Variants in OLFML2B observed in about 807,000 individuals in gnomAD.
The protein encoded by OLFML2B is olfactomedin-like protein 2B.
In OLFML2B, 57 loss-of-function variants were observed where a neutral mutation model predicts 74.9. That is an observed-to-expected ratio of 0.76 (90% CI 0.61 to 0.95). The LOEUF is 0.95. OLFML2B is among the 40% of genes least tolerant of loss of function. OLFML2B has a pLI of 0.00. For missense variants in OLFML2B, 986 were observed against 970.6 expected (o/e 1.02, Z -0.21); for synonymous variants, 388 against 405.8 (o/e 0.96, Z 0.53).
chr1:162,010,451 A>T (rs1206716217), intron 3 of OLFML2B, among the ~76,000 whole-genome samples: 1 of 152,220 alleles, frequency 6.6e-6, no homozygotes, highest in Non-Finnish European at 1.5e-5. Flanking sequence ...GGGGAACCGG[A>T]TGCAGGTGGA....
chr1:162,006,215 G>A (rs1010396801), intron 4 of OLFML2B, 82 bp downstream of exon 4: 1 of 1,351,064 alleles, frequency 7.4e-7, no homozygotes, highest in African/African-American at 1.5e-5. Flanking sequence ...ACTGAAGCCT[G>A]AAAAGTTCTA....
At chr1:161,997,705 C>T (rs747494887) in intron 6 of OLFML2B, 120 bp downstream of exon 6, 20 of 1,080,800 alleles carry the variant, frequency 1.9e-5, no homozygotes, top group Non-Finnish European at 2.7e-5. Context: ...CTTAACTCCA[C>T]TTGCCATTCC....
rs368795505 is a variant in OLFML2B at position 161,986,119 on chromosome 1, C to T, written c.1475-1139G>A. Among the ~76,000 whole-genome samples, 20 of 152,228 alleles carry T rather than the reference C, an allele frequency of 1.3e-4. 1 individual carries two copies. Among genetic ancestry groups the T allele is most frequent in the African/African-American group, 4.6e-4 (19 of 41,536 alleles). Reference sequence around the variant, plus strand: ...AGTGAGAGAGCCACATGAATGCTGCCCTCACAGCTTCCTTACCCCCTGCTG... The same window carrying T: ...AGTGAGAGAGCCACATGAATGCTGCTCTCACAGCTTCCTTACCCCCTGCTG... On this transcript the variant is annotated intron_variant, in intron 6 of 7. Transcript: ENST00000294794.
intron 3 of OLFML2B, among the ~76,000 whole-genome samples, chr1:162,012,712 A>G (rs1364293549): frequency 6.6e-6 from 1 of 151,488 alleles, no homozygotes; most frequent in Non-Finnish European, 1.5e-5. Context: ...TTTTAAGAGC[A>G]TGGGCTATGC....
At chr1:162,011,272 C>T (rs1690372977) in intron 3 of OLFML2B, among the ~76,000 whole-genome samples, 2 of 152,156 alleles carry the variant, frequency 1.3e-5, no homozygotes, top group African/African-American at 4.8e-5. Context: ...GCGCACAGGG[C>T]TAAGATACAG....
chr1:162,012,472 C>T (rs552113934), intron 3 of OLFML2B, among the ~76,000 whole-genome samples: 22 of 152,316 alleles, frequency 1.4e-4, no homozygotes, highest in South Asian at 4.1e-4. Flanking sequence ...TTCTGGGGAG[C>T]GGACCAGTTC....
intron 1 of OLFML2B, among the ~76,000 whole-genome samples, chr1:162,020,766 CG>C (rs1690681223): frequency 6.6e-6 from 1 of 152,120 alleles, no homozygotes; most frequent in Non-Finnish European, 1.5e-5. Context: ...CCACCTGCCC[CG>C]GCCTCCCAAA....
chr1:162,003,540 C>T (rs1320965948), intron 4 of OLFML2B, among the ~76,000 whole-genome samples: 2 of 152,122 alleles, frequency 1.3e-5, no homozygotes, highest in Admixed American at 6.5e-5. Flanking sequence ...CTGCACTGGG[C>T]GGCAGCGGCC....
intron 3 of OLFML2B, among the ~76,000 whole-genome samples, chr1:162,015,517 G>C (rs1690504255): frequency 6.6e-6 from 1 of 152,214 alleles, no homozygotes; most frequent in Non-Finnish European, 1.5e-5. Flanking sequence ...AAGCAGAAGA[G>C]GTTGCTGTCG....
In OLFML2B at chr1:162,020,032, T is replaced by G. The variant is rs1342731228; in HGVS notation, c.325A>C (p.Thr109Pro). 3 of 1,613,884 alleles carry G rather than the reference T, an allele frequency of 1.9e-6. No homozygotes were observed. The highest frequency in any genetic ancestry group is 2.5e-6 in the Non-Finnish European group (3 of 1,179,978). Residue 109 changes from threonine to proline, a missense_variant, in exon 2 of 8, where the codon ACC becomes CCC. Coordinates refer to ENST00000294794, the MANE Select transcript of OLFML2B (RefSeq NM_015441.3). ...GCACACTTGCACGACGAGCCTGAGG[T>G]GATGGTTTCCACGGTATAGAAGTCT... Reference protein sequence around the residue: ...KEDFYTVETITSGSSCKCACV... With the variant: ...KEDFYTVETIPSGSSCKCACV...
intron 7 of OLFML2B, 136 bp downstream of exon 7, chr1:161,984,668 G>A (rs1041158526): frequency 1.1e-6 from 1 of 925,504 alleles, no homozygotes; most frequent in East Asian, 2.4e-5. Context: ...CGCTCTCCAA[G>A]GAAAGGTCCT....
chr1:161,997,612 T>C (rs959478230), intron 6 of OLFML2B, among the ~76,000 whole-genome samples: 2 of 152,198 alleles, frequency 1.3e-5, no homozygotes, highest in African/African-American at 4.8e-5. Flanking sequence ...ATGTCTATTT[T>C]AGGAAAAAAG....
intron 6 of OLFML2B, among the ~76,000 whole-genome samples, chr1:161,988,125 CT>C (rs1689640452): frequency 1.3e-5 from 2 of 152,150 alleles, no homozygotes; most frequent in Non-Finnish European, 2.9e-5. Flanking sequence ...TGCATCTCAT[CT>C]TAGGTTTTCC....
chr1:162,023,804 G>C lies in OLFML2B; in HGVS notation c.-374C>G, dbSNP rs1690812229. On this transcript the variant is annotated 5_prime_UTR_variant, in exon 1 of 8. Coordinates refer to ENST00000294794, the MANE Select transcript of OLFML2B (RefSeq NM_015441.3). ...CCGGGACGGGCGGCGGGGAGCCTCGGGACGCACGGGGACCGGACACGGGGA... is the reference window on the plus strand; with the variant it reads ...CCGGGACGGGCGGCGGGGAGCCTCGCGACGCACGGGGACCGGACACGGGGA... 1.2e-5 allele frequency: 2 copies of C among 162,180 alleles called. No individual in the cohort carries two copies. Among genetic ancestry groups the C allele is most frequent in the South Asian group, 3.9e-4 (2 of 5,166 alleles). The allele number at this position is 162,180 out of a possible 1,614,324, so 10.0% of individuals were successfully genotyped here. A position where few individuals can be genotyped will look rare whatever the true frequency, so the allele number is the denominator to read the frequency against.
chr1:162,022,133 A>T (rs1228823407), intron 1 of OLFML2B, among the ~76,000 whole-genome samples: 1 of 152,010 alleles, frequency 6.6e-6, no homozygotes, highest in East Asian at 1.9e-4. Context: ...ACACGTCATC[A>T]TGCCGGCTCT....
chr1:162,008,620 C>T (rs189641607), intron 3 of OLFML2B, among the ~76,000 whole-genome samples: 1 of 152,336 alleles, frequency 6.6e-6, no homozygotes, highest in Non-Finnish European at 1.5e-5. Context: ...CATAAATCCT[C>T]ACTATTCAAA....
chr1:162,003,817 GC>G (rs1438920615), intron 4 of OLFML2B, among the ~76,000 whole-genome samples: 1 of 152,020 alleles, frequency 6.6e-6, no homozygotes, highest in Non-Finnish European at 1.5e-5. Context: ...TAAACCCAGC[GC>G]CCCTTCCACC....
chr1:162,015,296 C>T (rs1690499875), intron 3 of OLFML2B, among the ~76,000 whole-genome samples: 1 of 152,108 alleles, frequency 6.6e-6, no homozygotes, highest in Non-Finnish European at 1.5e-5. Context: ...ATCAAATTCA[C>T]CCATACTCCC....
At chr1:161,997,690 A>T in intron 6 of OLFML2B, 135 bp downstream of exon 6, 1 of 942,396 alleles carries the variant, frequency 1.1e-6, no homozygotes, top group Non-Finnish European at 1.6e-6. Context: ...ATCGTTGGTC[A>T]AAGGCTTAAC....
Sources: allele counts gnomAD v4.1 joint callset (sites outside exome capture counted in the v4.1 genomes callset), GRCh38; gene constraint gnomAD v4.1.1; transcripts MANE v1.5; gene names NCBI Gene and HGNC (gene_info 2026-07-23, HGNC 2026-07-21).